Variants in ACYP2 observed in about 807,000 individuals in gnomAD.
ACYP2 encodes the protein acylphosphatase-2.
In ACYP2, 12 loss-of-function variants were observed where a neutral mutation model predicts 11.2. That is an observed-to-expected ratio of 1.08 (90% CI 0.69 to 1.74). ACYP2 has a LOEUF of 1.74. Among genes scored for constraint, ACYP2 ranks in the 40% most tolerant of loss-of-function variants. The probability of loss-of-function intolerance (pLI) is 0.00; values close to 1 mark genes in which losing one functional copy is unlikely to be tolerated. For missense variants in ACYP2, 134 were observed against 101.9 expected, an observed-to-expected ratio of 1.31 and a Z score of -1.35; for synonymous variants, 43 against 32.2, an observed-to-expected ratio of 1.33 and a Z score of -1.13.
intron 2 of ACYP2, among the ~76,000 whole-genome samples, chr2:53,996,361 T>C (rs1389371756): frequency 6.6e-6 from 1 of 151,538 alleles, no homozygotes; most frequent in East Asian, 1.9e-4. Flanking sequence ...AAAAGGAGGA[T>C]GGAGGATTGG....
intron 2 of ACYP2, among the ~76,000 whole-genome samples, chr2:54,026,907 G>A (rs987406534): frequency 1.5e-4 from 22 of 143,326 alleles, no homozygotes; most frequent in African/African-American, 4.8e-4. Context: ...GACTTGGGGG[G>A]AAGGGTGGGA....
intron 2 of ACYP2, among the ~76,000 whole-genome samples, chr2:54,013,648 A>G (rs1371544945): frequency 1.3e-5 from 2 of 151,804 alleles, no homozygotes; most frequent in South Asian, 2.1e-4. Flanking sequence ...CTGCACTTCT[A>G]TACAAATCCT....
At chr2:54,243,628 C>T (rs1425883739) in intron 6 of ACYP2, among the ~76,000 whole-genome samples, 1 of 151,910 alleles carries the variant, frequency 6.6e-6, no homozygotes, top group Non-Finnish European at 1.5e-5. Context: ...CTGAGTAATC[C>T]CCACAATCTC....
At chr2:54,009,075 T>C (rs1178353661) in intron 2 of ACYP2, among the ~76,000 whole-genome samples, 2 of 151,148 alleles carry the variant, frequency 1.3e-5, no homozygotes, top group African/African-American at 4.9e-5. Context: ...ATTGCTTGAA[T>C]CTGGGAGGCA....
intron 4 of ACYP2, among the ~76,000 whole-genome samples, chr2:54,091,752 T>A (rs1247926997): frequency 6.6e-6 from 1 of 152,106 alleles, no homozygotes; most frequent in African/African-American, 2.4e-5. Context: ...TGTCAAGTGA[T>A]CCACCCGTCT....
intron 6 of ACYP2, among the ~76,000 whole-genome samples, chr2:54,153,706 T>C (rs957703588): frequency 6.6e-6 from 1 of 151,542 alleles, no homozygotes. Flanking sequence ...TTCACACCAT[T>C]CTCCTGCCTC....
intron 6 of ACYP2, among the ~76,000 whole-genome samples, chr2:54,173,881 A>C (rs2103854723): frequency 6.6e-6 from 1 of 152,166 alleles, no homozygotes; most frequent in East Asian, 1.9e-4. Flanking sequence ...GTTCTGTTCC[A>C]TTGGTATATA....
At chr2:54,191,158 A>G (rs1684222356) in intron 6 of ACYP2, among the ~76,000 whole-genome samples, 1 of 151,906 alleles carries the variant, frequency 6.6e-6, no homozygotes, top group East Asian at 1.9e-4. Flanking sequence ...TGCCCCCAAC[A>G]GTCTTTTCTC....
chr2:54,213,499 C>A (rs77731003), intron 6 of ACYP2, among the ~76,000 whole-genome samples: 1,636 of 152,262 alleles, frequency 0.011, 37 homozygotes, highest in African/African-American at 0.037. Context: ...GTTTTAAGTT[C>A]TTTGAGAAAT....
At chr2:54,017,351 G>A (rs1251560830) in intron 2 of ACYP2, among the ~76,000 whole-genome samples, 1 of 149,106 alleles carries the variant, frequency 6.7e-6, no homozygotes, top group East Asian at 2.0e-4. Context: ...TGCCACCCGG[G>A]TTCAGTGATT....
intron 6 of ACYP2, among the ~76,000 whole-genome samples, chr2:54,190,404 C>T (rs1467061037): frequency 6.6e-6 from 1 of 151,966 alleles, no homozygotes; most frequent in Non-Finnish European, 1.5e-5. Context: ...CATTGTCTCC[C>T]CTTTCTCTCC....
chr2:54,259,793 G>A (rs1008151683), intron 6 of ACYP2, among the ~76,000 whole-genome samples: 1 of 152,198 alleles, frequency 6.6e-6, no homozygotes, highest in Admixed American at 6.5e-5. Flanking sequence ...ACTTTCAGTG[G>A]AGTGGTGGGA....
chr2:54,279,806 AATC>A (rs1349631472), intron 6 of ACYP2, among the ~76,000 whole-genome samples: 2 of 152,214 alleles, frequency 1.3e-5, no homozygotes, highest in Non-Finnish European at 2.9e-5. Flanking sequence ...ACGGAATTGT[AATC>A]ATTTGCCTTT....
chr2:53,979,214 A>T (rs1671635210), intron 2 of ACYP2, among the ~76,000 whole-genome samples: 1 of 152,178 alleles, frequency 6.6e-6, no homozygotes, highest in Non-Finnish European at 1.5e-5. Flanking sequence ...ACAGAGTGAT[A>T]TTAATGATCC....
chr2:54,262,682 G>A (rs894739390), intron 6 of ACYP2, among the ~76,000 whole-genome samples: 34 of 149,334 alleles, frequency 2.3e-4, no homozygotes, highest in African/African-American at 8.4e-4. Context: ...TTATTTTCTT[G>A]AGTTGTCATT....
At chr2:54,192,517 A>T (rs1684279457) in intron 6 of ACYP2, among the ~76,000 whole-genome samples, 1 of 152,200 alleles carries the variant, frequency 6.6e-6, no homozygotes, top group African/African-American at 2.4e-5. Context: ...ATCCAGTTTT[A>T]TTGATATAAG....
chr2:54,217,373 T>C (rs1350701009), intron 6 of ACYP2, among the ~76,000 whole-genome samples: 1 of 152,230 alleles, frequency 6.6e-6, no homozygotes, highest in South Asian at 2.1e-4. Flanking sequence ...TTTTTGTTTG[T>C]TTGTTTGTTT....
chr2:54,248,780 C>G (rs947768395), intron 6 of ACYP2, among the ~76,000 whole-genome samples: 1 of 152,166 alleles, frequency 6.6e-6, no homozygotes, highest in Non-Finnish European at 1.5e-5. Flanking sequence ...AAACTACGAA[C>G]ATCTGTAAAC....
intron 2 of ACYP2, among the ~76,000 whole-genome samples, chr2:53,983,449 C>G (rs890386783): frequency 2.0e-5 from 3 of 151,968 alleles, no homozygotes; most frequent in Non-Finnish European, 4.4e-5. Flanking sequence ...GAGGCTGCAG[C>G]GAGATGTGAT....
Sources: gnomAD v4.1 joint callset for allele counts (sites outside exome capture counted in the v4.1 genomes callset) on GRCh38, gnomAD v4.1.1 for gene constraint, MANE v1.5 for transcripts, NCBI Gene and HGNC (gene_info 2026-07-23, HGNC 2026-07-21) for gene names.